The following FAM83B variants were observed in gnomAD, a reference collection of about 807,000 sequenced individuals.
FAM83B encodes the protein protein FAM83B.
FAM83B carries 26 observed loss-of-function variants against 38.8 expected under a neutral mutation model. The observed-to-expected ratio is 0.67, with a 90% confidence interval of 0.49 to 0.93. The LOEUF is 0.93. Ranked by LOEUF, FAM83B falls within the 40% of genes least tolerant of loss-of-function variation. The probability of loss-of-function intolerance (pLI) is 0.00; values close to 1 mark genes in which losing one functional copy is unlikely to be tolerated. For synonymous variants in FAM83B, 419 were observed against 423.1 expected (o/e 0.99, Z 0.12); for missense variants, 1,237 against 1,197.3 (o/e 1.03, Z -0.49).
chr6:54,894,535 T>C (rs2127580970), intron 2 of FAM83B, among the ~76,000 whole-genome samples: 1 of 152,302 alleles, frequency 6.6e-6, no homozygotes, highest in Admixed American at 6.5e-5. Flanking sequence ...TATCTTATAC[T>C]TGAGAGAACA....
At chr6:54,927,447 G>T (rs1329951885) in intron 3 of FAM83B, 61 bp from the exon 4 acceptor site, 2 of 1,351,780 alleles carry the variant, frequency 1.5e-6, no homozygotes, top group East Asian at 2.6e-5. Context: ...TATGGATTTT[G>T]GTTTTCAAAA....
rs534364670 is a variant in FAM83B, at chr6:54,914,236, A to G, written c.445-12135A>G. 1.5e-3 allele frequency among the ~76,000 whole-genome samples: 226 copies of G among 152,338 alleles called. 1 individual carries two copies. Among genetic ancestry groups the G allele is most frequent in the African/African-American group, 5.0e-3 (206 of 41,586 alleles). ...CATCAGCAAAGTACTGTGAAAAACT[A>G]GAATTTATTCATGAATTATGTGTTG... On this transcript the variant is annotated intron_variant, in intron 2 of 4. Transcript: ENST00000306858.
intron 2 of FAM83B, among the ~76,000 whole-genome samples, chr6:54,917,843 T>G (rs1773080815): frequency 6.6e-6 from 1 of 152,164 alleles, no homozygotes; most frequent in Admixed American, 6.5e-5. Context: ...TTTTAGCAAG[T>G]TGCCTTACGT....
At chr6:54,938,269 T>C (rs1328005657) in intron 4 of FAM83B, among the ~76,000 whole-genome samples, 1 of 152,190 alleles carries the variant, frequency 6.6e-6, no homozygotes, top group African/African-American at 2.4e-5. Context: ...CACTTGTTGG[T>C]TGATGAGCAT....
intron 2 of FAM83B, among the ~76,000 whole-genome samples, chr6:54,871,152 T>C (rs1771842765): frequency 6.6e-6 from 1 of 152,192 alleles, no homozygotes; most frequent in African/African-American, 2.4e-5. Context: ...TCTATTTTCC[T>C]GAGTTGTGTG....
At chr6:54,898,767 A>C (rs982880617) in intron 2 of FAM83B, among the ~76,000 whole-genome samples, 1 of 152,150 alleles carries the variant, frequency 6.6e-6, no homozygotes, top group Non-Finnish European at 1.5e-5. Flanking sequence ...TCACCAGCAT[A>C]TATCAAATTG....
At chr6:54,915,528 C>T (rs528383871) in intron 2 of FAM83B, among the ~76,000 whole-genome samples, 1 of 91,280 alleles carries the variant, frequency 1.1e-5, no homozygotes, top group South Asian at 3.2e-4. Flanking sequence ...CATTTCTGGC[C>T]GGGCGCGGTG....
At chr6:54,907,712 T>G (rs1209360435) in intron 2 of FAM83B, among the ~76,000 whole-genome samples, 2 of 152,124 alleles carry the variant, frequency 1.3e-5, no homozygotes, top group African/African-American at 4.8e-5. Flanking sequence ...TATGTATTTG[T>G]TCAATGTATG....
intron 2 of FAM83B, among the ~76,000 whole-genome samples, chr6:54,904,113 A>C (rs1398542714): frequency 6.6e-6 from 1 of 151,948 alleles, no homozygotes. Context: ...GTCTGTTTAC[A>C]TATTGTTCAT....
rs189907902 is a variant in FAM83B, at chr6:54,871,170, T to A, written c.444+480T>A. ...ATTTTCCTGAGTTGTGTGGAAACAG[T>A]ATAAAATCAACATAATAATGTAAAA... On this transcript the variant is annotated intron_variant, in intron 2 of 4. Transcript: ENST00000306858. 1.3e-4 allele frequency among the ~76,000 whole-genome samples: 20 copies of A among 152,288 alleles called. No individual in the cohort carries two copies. In the East Asian group the frequency reaches 3.3e-3, roughly 25 times the overall value.
At chr6:54,906,940 G>A (rs1317565378) in intron 2 of FAM83B, among the ~76,000 whole-genome samples, 2 of 151,972 alleles carry the variant, frequency 1.3e-5, no homozygotes, top group Non-Finnish European at 2.9e-5. Flanking sequence ...AACCCTTTTG[G>A]TTAGACATTC....
Position 54,942,048 on chromosome 6 carries a change from C to A in FAM83B, c.*41C>A. ...ATGAATGAGGCTATCAATATTTGTCCAAAGAAAATTGTGGACAGTCTTTGT... is the reference window on the plus strand; with the variant it reads ...ATGAATGAGGCTATCAATATTTGTCAAAAGAAAATTGTGGACAGTCTTTGT... On this transcript the variant is annotated 3_prime_UTR_variant, in exon 5 of 5. Transcript: ENST00000306858. 1 of 1,545,160 alleles carries A rather than the reference C, an allele frequency of 6.5e-7. No homozygotes were observed. The highest frequency in any genetic ancestry group is 1.3e-5 in the South Asian group (1 of 77,958).
At chr6:54,937,920 T>G in intron 4 of FAM83B, among the ~76,000 whole-genome samples, 1 of 152,036 alleles carries the variant, frequency 6.6e-6, no homozygotes, top group Non-Finnish European at 1.5e-5. Context: ...AACAGTTGGT[T>G]TTTGGTTGCA....
At position 54,940,883 on chromosome 6, in the gene FAM83B, A is replaced by G; in HGVS notation, c.1912A>G (p.Ile638Val). ...TGGCCATACTGAATCAAATAACTATATATATAAAACCTTGGGTGTAAATAA... is the reference window on the plus strand; with the variant it reads ...TGGCCATACTGAATCAAATAACTATGTATATAAAACCTTGGGTGTAAATAA... ...TNGHTESNNY[I>V]YKTLGVNKQT... is the part of the protein sequence containing the mutation. The change falls in exon 5 of 5, where the codon ATA becomes GTA. Residue 638 changes from isoleucine (I) to valine (V), a missense_variant. Ile to Val is a conservative substitution (Grantham distance 29, BLOSUM62 3). Transcript: ENST00000306858. 6.2e-7 allele frequency: 1 copy of G among 1,613,928 alleles called. No homozygotes were observed. The highest frequency in any genetic ancestry group is 8.5e-7 in the Non-Finnish European group (1 of 1,179,900).
intron 2 of FAM83B, among the ~76,000 whole-genome samples, chr6:54,904,926 A>G (rs1398446675): frequency 1.3e-5 from 2 of 152,110 alleles, no homozygotes; most frequent in Non-Finnish European, 2.9e-5. Flanking sequence ...GAGAGCAGAG[A>G]AAGAAAGGAG....
intron 2 of FAM83B, among the ~76,000 whole-genome samples, chr6:54,924,614 G>T (rs1300401654): frequency 6.6e-6 from 1 of 151,620 alleles, no homozygotes; most frequent in East Asian, 1.9e-4. Context: ...TGTTTCCTCA[G>T]TCTCCTTTGC....
At chr6:54,871,604 G>A (rs1346845375) in intron 2 of FAM83B, among the ~76,000 whole-genome samples, 2 of 146,280 alleles carry the variant, frequency 1.4e-5, no homozygotes, top group African/African-American at 2.5e-5. Context: ...TAAGCCGGAT[G>A]TGGTGGCGAG....
chr6:54,923,762 C>G (rs1304100649), intron 2 of FAM83B, among the ~76,000 whole-genome samples: 1 of 151,986 alleles, frequency 6.6e-6, no homozygotes, highest in Non-Finnish European at 1.5e-5. Flanking sequence ...CATGCTGTCT[C>G]CCCCAGCAGC....
intron 2 of FAM83B, among the ~76,000 whole-genome samples, chr6:54,911,947 A>G (rs1772916027): frequency 6.6e-6 from 1 of 152,040 alleles, no homozygotes; most frequent in South Asian, 2.1e-4. Context: ...TTTAAATGCC[A>G]TTTTATATTT....
Sources: allele counts gnomAD v4.1 joint callset (sites outside exome capture counted in the v4.1 genomes callset), GRCh38; gene constraint gnomAD v4.1.1; transcripts MANE v1.5; gene names NCBI Gene and HGNC (gene_info 2026-07-23, HGNC 2026-07-21).